Variants in PIK3CB observed in about 807,000 individuals in gnomAD.
PIK3CB encodes phosphatidylinositol-4,5-bisphosphate 3-kinase catalytic subunit beta.
PIK3CB carries 39 observed loss-of-function variants against 136.8 expected under a neutral mutation model. That is an observed-to-expected ratio of 0.29 (90% CI 0.22 to 0.37). PIK3CB has a LOEUF of 0.37. PIK3CB is among the 10% of genes least tolerant of loss of function. The pLI, the probability that PIK3CB is intolerant of heterozygous loss-of-function variation, is 1.00. For missense variants in PIK3CB, 868 were observed against 1,275.4 expected (o/e 0.68, Z 4.87); for synonymous variants, 428 against 436.6 (o/e 0.98, Z 0.25).
At chr3:138,766,061 A>C (rs2108751748) in intron 2 of PIK3CB, among the ~76,000 whole-genome samples, 1 of 152,324 alleles carries the variant, frequency 6.6e-6, no homozygotes, top group Middle Eastern at 3.4e-3. Context: ...CATGTCTCAA[A>C]TACATAAACT....
Position 138,714,649 on chromosome 3 carries a change from G to A in PIK3CB, c.1121C>T (p.Ser374Leu). Residue 374 changes from serine (S) to leucine (L), a missense_variant, in exon 9 of 24, where the codon TCA becomes TTA. Physicochemically the swap from Ser to Leu is moderately radical, Grantham distance 145. Around this residue, in one of 4 missense-constraint regions of PIK3CB, gnomAD observed 612 missense variants for 801.1 expected, o/e 0.76. Coordinates refer to ENST00000674063, the MANE Select transcript of PIK3CB (RefSeq NM_006219.3). ...ATTCCAAATATGATCATTTTTCCCT[G>A]ATACCTCTGAGCTTACGATGGTTTT... is the stretch of plus-strand genomic sequence containing the variant. ...LCKTIVSSEV[S>L]GKNDHIWNEP... 6.2e-7 allele frequency: 1 copy of A among 1,612,194 alleles called. No homozygotes were observed. The highest frequency in any genetic ancestry group is 8.5e-7 in the Non-Finnish European group (1 of 1,178,370).
At chr3:138,680,313 G>A (rs1386058046) in intron 19 of PIK3CB, among the ~76,000 whole-genome samples, 1 of 151,156 alleles carries the variant, frequency 6.6e-6, no homozygotes, top group Non-Finnish European at 1.5e-5. Context: ...AGCCGAGATC[G>A]CACCACTGCA....
chr3:138,746,590 G>C (rs1452244855), intron 4 of PIK3CB, among the ~76,000 whole-genome samples: 2 of 152,022 alleles, frequency 1.3e-5, no homozygotes, highest in Non-Finnish European at 2.9e-5. Context: ...GAACCTGGGA[G>C]GTGGAGCTTG....
intron 1 of PIK3CB, among the ~76,000 whole-genome samples, chr3:138,813,130 T>C (rs184456807): frequency 6.6e-6 from 1 of 151,816 alleles, no homozygotes; most frequent in African/African-American, 2.4e-5. Flanking sequence ...GAAAAAAAAA[T>C]TTTTTTAATG....
intron 1 of PIK3CB, among the ~76,000 whole-genome samples, chr3:138,804,857 T>C (rs2046214425): frequency 6.6e-6 from 1 of 151,728 alleles, no homozygotes; most frequent in Non-Finnish European, 1.5e-5. Flanking sequence ...ACCCCGTCTC[T>C]ACTAAAAATA....
rs56255742 is a variant in PIK3CB, at chr3:138,659,866, C to CTTTTTTT, written c.2797-2038_2797-2032dup. ...TTAGTAAGTGCCCTTCTTTCCTCTT[C>CTTTTTTT]TTTTTTTTTTTTTTTTTTTTTTTTT... is the stretch of plus-strand genomic sequence containing the variant. On this transcript the variant is annotated intron_variant, in intron 21 of 23. Coordinates refer to ENST00000674063, the MANE Select transcript of PIK3CB (RefSeq NM_006219.3). 1.7e-4 allele frequency among the ~76,000 whole-genome samples: 13 copies of CTTTTTTT among 75,450 alleles called. 1 individual carries two copies. Among genetic ancestry groups the CTTTTTTT allele is most frequent in the African/African-American group, 6.7e-4 (12 of 17,838 alleles). 49.5% of individuals were successfully genotyped at this position (75,450 alleles called of 152,430 possible). A position where few individuals can be genotyped will look rare whatever the true frequency, so the allele number is the denominator to read the frequency against.
At chr3:138,719,833 A>G (rs1298083099) in intron 8 of PIK3CB, among the ~76,000 whole-genome samples, 2 of 152,206 alleles carry the variant, frequency 1.3e-5, no homozygotes, top group African/African-American at 4.8e-5. Flanking sequence ...TATACTCAAC[A>G]TTTAACCTAA....
At chr3:138,712,603 C>G (rs369176906) in intron 9 of PIK3CB, among the ~76,000 whole-genome samples, 9 of 149,092 alleles carry the variant, frequency 6.0e-5, no homozygotes, top group African/African-American at 2.2e-4. Context: ...GAGTCCCACT[C>G]TGTCACCCAG....
chr3:138,788,982 AAAAAAAAAAAC>A (rs2046016782), intron 2 of PIK3CB, among the ~76,000 whole-genome samples: 2 of 147,942 alleles, frequency 1.4e-5, no homozygotes, highest in African/African-American at 5.2e-5. Flanking sequence ...AAAAAAAAAA[AAAAAAAAAAAC>A]AAAAAACAAC....
At chr3:138,819,307 A>G (rs1377833870) in intron 1 of PIK3CB, among the ~76,000 whole-genome samples, 1 of 151,824 alleles carries the variant, frequency 6.6e-6, no homozygotes, top group Non-Finnish European at 1.5e-5. Flanking sequence ...AGATTGCGCC[A>G]TTGTCCTCCA....
chr3:138,680,070 GAAGAA>G (rs2043735713), intron 19 of PIK3CB, among the ~76,000 whole-genome samples: 1 of 151,244 alleles, frequency 6.6e-6, no homozygotes, highest in Non-Finnish European at 1.5e-5. Context: ...CATATAAAAA[GAAGAA>G]AAGACAGGGG....
rs1271662592 is a variant in PIK3CB, at chr3:138,812,225, A to T, written c.-121-15658T>A. 6.0e-5 allele frequency among the ~76,000 whole-genome samples: 9 copies of T among 148,790 alleles called. No homozygotes were observed. The Admixed American group carries it at 6.1e-4, about 10-fold the overall frequency. On this transcript the variant is annotated intron_variant, in intron 1 of 23. Transcript: ENST00000674063. ...GAGGGAGGTGACTGGGGCTATAAAA[A>T]GGTAGAATGAGAGGTTTTTTTTTTT...
intron 10 of PIK3CB, among the ~76,000 whole-genome samples, chr3:138,711,105 C>T (rs1041483061): frequency 5.3e-5 from 8 of 150,826 alleles, no homozygotes; most frequent in Non-Finnish European, 1.0e-4. Flanking sequence ...AGTGTTTTTA[C>T]TATTTCTCCC....
intron 5 of PIK3CB, among the ~76,000 whole-genome samples, chr3:138,742,319 A>T (rs759032614): frequency 5.3e-4 from 80 of 152,198 alleles, no homozygotes; most frequent in South Asian, 1.0e-3. Context: ...CCAATTAAAC[A>T]GTCCAGTTTG....
intron 21 of PIK3CB, 148 bp downstream of exon 21, chr3:138,663,758 G>C: frequency 1.4e-6 from 1 of 713,930 alleles, no homozygotes; most frequent in South Asian, 1.9e-5. Context: ...GACTATATAT[G>C]AAACGAGAGG....
chr3:138,707,608 C>T (rs147469094), intron 10 of PIK3CB: 30 of 1,060,082 alleles, frequency 2.8e-5, no homozygotes, highest in Non-Finnish European at 3.4e-5. Flanking sequence ...TTAGGTGGCC[C>T]ATAGAAACTA....
rs1004113736 is a variant in PIK3CB at position 138,691,032 on chromosome 3, C to T, written c.2004G>A (p.Arg668=). The change falls in exon 15 of 24, where the codon CGG becomes CGA. Residue 668 remains arginine (R), a synonymous_variant. Transcript: ENST00000674063. ...RFLLERALGN[R]RIGQFLFWHL... ...GCCAAAATAGAAACTGCCCTATCCT[C>T]CGATTACCAAGTGCTCTTTCTAATA... 5 of 1,613,288 alleles carry T rather than the reference C, an allele frequency of 3.1e-6. No individual in the cohort carries two copies. The highest frequency in any genetic ancestry group is 4.2e-6 in the Non-Finnish European group (5 of 1,179,544).
chr3:138,707,519 GACT>G, intron 10 of PIK3CB: 1 of 1,286,552 alleles, frequency 7.8e-7, no homozygotes, highest in South Asian at 2.0e-5. Context: ...AAAACTGAAT[GACT>G]ACTTTACCTC....
At chr3:138,718,687 TAA>T (rs1345607395) in intron 8 of PIK3CB, among the ~76,000 whole-genome samples, 1 of 152,242 alleles carries the variant, frequency 6.6e-6, no homozygotes, top group African/African-American at 2.4e-5. Context: ...ACATTTACAT[TAA>T]GTCTTTAATC....
Sources: allele counts gnomAD v4.1 joint callset (sites outside exome capture counted in the v4.1 genomes callset), GRCh38; gene constraint gnomAD v4.1.1; regional missense constraint gnomAD v4.1.1; transcripts MANE v1.5; gene names NCBI Gene and HGNC (gene_info 2026-07-23, HGNC 2026-07-21).